The following EXD2 variants were observed in gnomAD, a reference collection of about 807,000 sequenced individuals.
The protein encoded by EXD2 is exonuclease 3'-5' domain containing 2, also known as exonuclease 3'-5' domain-containing protein 2.
A neutral mutation model predicts 62.5 loss-of-function variants in EXD2; 40 were observed. The observed-to-expected ratio is 0.64, with a 90% CI of 0.50 to 0.83. The LOEUF is 0.83. Among genes scored for constraint, EXD2 ranks in the 40% least tolerant of loss-of-function variants. EXD2 has a pLI of 0.00. For missense variants in EXD2, 671 were observed against 761.8 expected (o/e 0.88, Z 1.40); for synonymous variants, 239 against 291.9 (o/e 0.82, Z 1.85).
intron 3 of EXD2, among the ~76,000 whole-genome samples, chr14:69,225,738 G>C (rs1208247766): frequency 6.6e-6 from 1 of 152,050 alleles, no homozygotes; most frequent in Non-Finnish European, 1.5e-5. Flanking sequence ...AGGGCAAAAA[G>C]ACATTAGAAA....
At chr14:69,232,438 C>G (rs1002768062) in intron 5 of EXD2, among the ~76,000 whole-genome samples, 6 of 152,194 alleles carry the variant, frequency 3.9e-5, no homozygotes, top group Non-Finnish European at 8.8e-5. Context: ...CTTGCCAAGT[C>G]AGTTACCACT....
rs60787528 is a variant in EXD2, at chr14:69,206,455, C to CCTTTTTTTTTTTTTTT, written c.-48+2455_-48+2456insCTTTTTTTTTTTTTTT. On this transcript the variant is annotated intron_variant, in intron 2 of 9. Coordinates refer to ENST00000685843, the MANE Select transcript of EXD2 (RefSeq NM_001193360.2). Reference sequence around the variant, plus strand: ...CCCAGCTTCATCTCCCACCCACCCACTTTTTTTTTTTTTTTTTTTTTTTTT... The same window carrying CCTTTTTTTTTTTTTTT: ...CCCAGCTTCATCTCCCACCCACCCACCTTTTTTTTTTTTTTTTTTTTTTTTTTTTTTTTTTTTTTTT... Among the ~76,000 whole-genome samples the CCTTTTTTTTTTTTTTT allele has an allele frequency of 3.7e-3, 350 of 94,646 alleles. 121 individuals are homozygous for CCTTTTTTTTTTTTTTT. Among genetic ancestry groups the CCTTTTTTTTTTTTTTT allele is most frequent in the African/African-American group, 7.2e-3 (160 of 22,182 alleles). 62.1% of individuals were successfully genotyped at this position (94,646 alleles called of 152,430 possible). A position where few individuals can be genotyped will look rare whatever the true frequency, so the allele number is the denominator to read the frequency against.
rs190707775 is a variant in EXD2 at position 69,241,142 on chromosome 14, C to T, written c.*42C>T. On this transcript the variant is annotated 3_prime_UTR_variant, in exon 10 of 10. Transcript: ENST00000685843. ...AGTTAGGACAAGTGGGAAGCTGGAG[C>T]CAAGGTTGAAGAGTCACCTCTTCCC... 3.7e-4 allele frequency: 587 copies of T among 1,571,312 alleles called. 3 individuals carry two copies. The highest frequency in any genetic ancestry group is 2.5e-5 in the Non-Finnish European group (29 of 1,150,512).
At chr14:69,204,995 G>A (rs1433351184) in intron 2 of EXD2, among the ~76,000 whole-genome samples, 6 of 152,138 alleles carry the variant, frequency 3.9e-5, no homozygotes, top group African/African-American at 1.2e-4. Context: ...TAATCATTCA[G>A]GCCAACAGGC....
chr14:69,221,028 G>A (rs1191826043), intron 3 of EXD2, among the ~76,000 whole-genome samples: 2 of 152,094 alleles, frequency 1.3e-5, no homozygotes, highest in Non-Finnish European at 2.9e-5. Flanking sequence ...CACCATGCCT[G>A]GCTAATCTTT....
At chr14:69,193,050 T>TTCTC (rs71446377) in intron 1 of EXD2, among the ~76,000 whole-genome samples, 1 of 147,982 alleles carries the variant, frequency 6.8e-6, no homozygotes, top group Admixed American at 6.8e-5. Flanking sequence ...ATTTCCTCCA[T>TTCTC]TCTCTCTCTC....
chr14:69,241,076 A>G lies in EXD2; in HGVS notation c.1842A>G (p.Glu614=), dbSNP rs533646883. The G allele has an allele frequency of 1.8e-5, 29 of 1,612,542 alleles. No homozygotes were observed. In the East Asian group the frequency reaches 4.0e-4, roughly 22 times the overall value. ...NHQKLLRKFG[E]DLPIQLS is the part of the protein sequence containing the mutation. Reference sequence around the variant, plus strand: ...AGAAGCTGCTCCGGAAATTCGGGGAAGATCTTCCCATCCAGCTGTCTTGAT... The same window carrying G: ...AGAAGCTGCTCCGGAAATTCGGGGAGGATCTTCCCATCCAGCTGTCTTGAT... Residue 614 remains glutamate, a synonymous_variant, in exon 10 of 10, where the codon GAA becomes GAG. Coordinates refer to ENST00000685843, the MANE Select transcript of EXD2 (RefSeq NM_001193360.2).
intron 3 of EXD2, 23 bp downstream of exon 3, chr14:69,209,826 A>T: frequency 1.9e-5 from 14 of 755,288 alleles, no homozygotes; most frequent in South Asian, 3.7e-5. Flanking sequence ...GCAAAAGTTA[A>T]AAAAAAAAAA....
chr14:69,221,794 C>G (rs563427190), intron 3 of EXD2, among the ~76,000 whole-genome samples: 94 of 149,658 alleles, frequency 6.3e-4, no homozygotes, highest in African/African-American at 2.3e-3. Flanking sequence ...TATTGGCTGG[C>G]TGGGTGAGGT....
chr14:69,206,925 C>G (rs1484583153), intron 2 of EXD2, among the ~76,000 whole-genome samples: 1 of 152,144 alleles, frequency 6.6e-6, no homozygotes, highest in East Asian at 1.9e-4. Flanking sequence ...AAGGGAAGGA[C>G]TTTTATGTCT....
At chr14:69,203,452 G>A (rs2042476240) in intron 1 of EXD2, among the ~76,000 whole-genome samples, 1 of 152,108 alleles carries the variant, frequency 6.6e-6, no homozygotes, top group Admixed American at 6.6e-5. Flanking sequence ...AGAAGGCCTT[G>A]GCCAGGAGAG....
chr14:69,229,970 A>G (rs887200545), intron 4 of EXD2, among the ~76,000 whole-genome samples: 1 of 152,224 alleles, frequency 6.6e-6, no homozygotes, highest in African/African-American at 2.4e-5. Flanking sequence ...AAAGTAATAC[A>G]TTAAGATATT....
At chr14:69,213,537 A>ATTTTTAT (rs1555389123) in intron 3 of EXD2, among the ~76,000 whole-genome samples, 2 of 76,538 alleles carry the variant, frequency 2.6e-5, no homozygotes, top group East Asian at 1.1e-3. Context: ...CACCTGGATA[A>ATTTTTAT]TTTTTTTTTT....
At chr14:69,221,643 C>A (rs1459029228) in intron 3 of EXD2, among the ~76,000 whole-genome samples, 1 of 151,868 alleles carries the variant, frequency 6.6e-6, no homozygotes, top group African/African-American at 2.4e-5. Context: ...TGGTGTGAGT[C>A]TTTAGTCCCA....
chr14:69,208,368 G>A (rs530753525), intron 2 of EXD2, among the ~76,000 whole-genome samples: 46 of 151,980 alleles, frequency 3.0e-4, no homozygotes, highest in Admixed American at 1.1e-3. Flanking sequence ...CCGCCACCAC[G>A]CCTGGCTAAT....
At chr14:69,201,699 TTG>T (rs2042409920) in intron 1 of EXD2, among the ~76,000 whole-genome samples, 1 of 145,846 alleles carries the variant, frequency 6.9e-6, no homozygotes, top group African/African-American at 2.6e-5. Context: ...TTTTTTTTTT[TTG>T]AGACAGAGTC....
chr14:69,226,773 GTTT>G (rs10710360), intron 3 of EXD2, among the ~76,000 whole-genome samples: 11 of 140,582 alleles, frequency 7.8e-5, no homozygotes, highest in East Asian at 2.1e-4. Flanking sequence ...AGCCCTCCCA[GTTT>G]TTTTTTTTTT....
chr14:69,212,577 T>C (rs2042843685), intron 3 of EXD2, among the ~76,000 whole-genome samples: 1 of 151,622 alleles, frequency 6.6e-6, no homozygotes, highest in African/African-American at 2.4e-5. Flanking sequence ...AATGCAGTGG[T>C]ACTTATCATA....
intron 1 of EXD2, among the ~76,000 whole-genome samples, chr14:69,197,030 C>T (rs994806990): frequency 1.3e-5 from 2 of 152,096 alleles, no homozygotes; most frequent in African/African-American, 4.8e-5. Context: ...TTTTCAAGTG[C>T]TTATTGGCCA....
Sources: gnomAD v4.1 joint callset for allele counts (sites outside exome capture counted in the v4.1 genomes callset) on GRCh38, gnomAD v4.1.1 for gene constraint, MANE v1.5 for transcripts, NCBI Gene and HGNC (gene_info 2026-07-23, HGNC 2026-07-21) for gene names.